Variants in SUCO observed in about 807,000 individuals in gnomAD.
SUCO encodes SUN domain-containing ossification factor.
Under a neutral mutation model 148.1 loss-of-function variants are expected in SUCO, and 57 were observed. The observed-to-expected ratio is 0.38, with a 90% CI of 0.31 to 0.48. The LOEUF (loss-of-function observed/expected upper bound fraction) is 0.48. SUCO is among the 20% of genes least tolerant of loss of function. The pLI is 0.96. For synonymous variants in SUCO, 470 were observed against 502.7 expected, an observed-to-expected ratio of 0.93 and a Z score of 0.87; for missense variants, 1,331 against 1,468.2, an observed-to-expected ratio of 0.91 and a Z score of 1.53.
chr1:172,535,180 G>C (rs1172067717), intron 1 of SUCO, among the ~76,000 whole-genome samples: 1 of 152,136 alleles, frequency 6.6e-6, no homozygotes, highest in South Asian at 2.1e-4. Flanking sequence ...CGGTTGGCCT[G>C]GTATTGAAAG....
chr1:172,562,519 A>G (rs1654248973), intron 6 of SUCO, among the ~76,000 whole-genome samples: 1 of 152,000 alleles, frequency 6.6e-6, no homozygotes, highest in Non-Finnish European at 1.5e-5. Context: ...TTTAGTAGAG[A>G]TGGGGTTTCA....
At position 172,588,795 on chromosome 1, in the gene SUCO, A is replaced by C. The variant is rs768287549; in HGVS notation, c.1694A>C (p.Glu565Ala). 2 of 1,566,562 alleles carry C rather than the reference A, an allele frequency of 1.3e-6. No individual in the cohort carries two copies. Among genetic ancestry groups the C allele is most frequent in the Non-Finnish European group, 1.7e-6 (2 of 1,158,824 alleles). The change falls in exon 18 of 24, where the codon GAG becomes GCG. Residue 565 changes from glutamate to alanine, a missense_variant. By Grantham distance (107) the Glu-to-Ala change is moderately radical (BLOSUM62 -1). Transcript: ENST00000263688. The stretch of plus-strand genomic sequence containing the variant: ...ACTGAAGTACACACACATGACATGG[A>C]GCCGTCAACACCAGATACTCCAAAA... ...VTTEVHTHDM[E>A]PSTPDTPKES...
chr1:172,597,835 C>T (rs1296479672), intron 19 of SUCO, among the ~76,000 whole-genome samples: 2 of 152,138 alleles, frequency 1.3e-5, no homozygotes, highest in African/African-American at 2.4e-5. Context: ...TTAGGTGCAT[C>T]TTACTTTCCT....
At chr1:172,551,842 T>A (rs1287612785) in intron 2 of SUCO, 6 of 458,644 alleles carry the variant, frequency 1.3e-5, no homozygotes, top group East Asian at 1.2e-4. Context: ...TTTTGTAACA[T>A]CCTTAGTCCT....
At chr1:172,601,553 A>G (rs1168229148) in intron 20 of SUCO, among the ~76,000 whole-genome samples, 2 of 151,908 alleles carry the variant, frequency 1.3e-5, no homozygotes, top group African/African-American at 4.8e-5. Flanking sequence ...ATTGACTTAG[A>G]GTAGGATTCT....
intron 9 of SUCO, among the ~76,000 whole-genome samples, chr1:172,572,621 T>A (rs1469235314): frequency 6.8e-6 from 1 of 147,770 alleles, no homozygotes; most frequent in African/African-American, 2.5e-5. Flanking sequence ...TTTGTTTATC[T>A]GCTGACCCTC....
At chr1:172,597,061 C>G (rs1657156919) in intron 19 of SUCO, among the ~76,000 whole-genome samples, 2 of 152,300 alleles carry the variant, frequency 1.3e-5, no homozygotes, top group Admixed American at 1.3e-4. Flanking sequence ...GTGAGCGAGG[C>G]TCCGTGGGCA....
chr1:172,589,890 C>A lies in SUCO; in HGVS notation c.2789C>A (p.Ser930Tyr). The change falls in exon 18 of 24, where the codon TCT becomes TAT. Residue 930 changes from serine to tyrosine, a missense_variant. This residue lies in a region of SUCO where 992 missense variants were observed against 1,093.5 expected (regional missense o/e 0.91). Coordinates refer to ENST00000263688, the MANE Select transcript of SUCO (RefSeq NM_014283.5). Reference protein sequence around the residue: ...NRIKALEVNMSLSGRYLEELS... With the variant: ...NRIKALEVNMYLSGRYLEELS... ...ATTAAAGCCTTAGAAGTTAACATGT[C>A]TCTCAGTGGTCGCTATCTGGAGGAG... The A allele has an allele frequency of 6.5e-7, 1 of 1,541,876 alleles. No homozygotes were observed. Among genetic ancestry groups the A allele is most frequent in the Non-Finnish European group, 8.7e-7 (1 of 1,154,978 alleles).
intron 19 of SUCO, among the ~76,000 whole-genome samples, chr1:172,591,821 T>C (rs949081781): frequency 2.0e-5 from 3 of 152,158 alleles, no homozygotes; most frequent in Admixed American, 6.5e-5. Context: ...GGTCAAATGG[T>C]ATTTCTAGTT....
chr1:172,570,850 C>G, intron 9 of SUCO, 120 bp downstream of exon 9: 1 of 660,346 alleles, frequency 1.5e-6, no homozygotes, highest in Non-Finnish European at 2.5e-6. Flanking sequence ...TTGATTAGTG[C>G]TGATACTATG....
intron 19 of SUCO, chr1:172,599,379 T>C: frequency 1.4e-6 from 1 of 695,378 alleles, no homozygotes; most frequent in Non-Finnish European, 1.8e-6. Flanking sequence ...TAATACAGGG[T>C]CATAACTATG....
At chr1:172,602,036 T>C (rs374173832) in intron 20 of SUCO, 28 bp from the exon 21 acceptor site, 2 of 1,563,224 alleles carry the variant, frequency 1.3e-6, no homozygotes, top group African/African-American at 2.8e-5. Context: ...TTTCCTATGA[T>C]TATTATTTAA....
At chr1:172,538,803 T>C (rs1274974720) in intron 1 of SUCO, among the ~76,000 whole-genome samples, 1 of 152,202 alleles carries the variant, frequency 6.6e-6, no homozygotes, top group African/African-American at 2.4e-5. Flanking sequence ...CTGGTATTTT[T>C]ATTTATAAGA....
chr1:172,577,405 TAC>T, intron 11 of SUCO, 132 bp from the exon 12 acceptor site: 1 of 830,240 alleles, frequency 1.2e-6, no homozygotes, highest in Non-Finnish European at 1.8e-6. Context: ...TTAAGAATAC[TAC>T]AGTGTTATCC....
intron 9 of SUCO, among the ~76,000 whole-genome samples, chr1:172,573,421 A>C (rs1655191822): frequency 6.6e-6 from 1 of 152,088 alleles, no homozygotes; most frequent in Non-Finnish European, 1.5e-5. Context: ...GCCCTTATAG[A>C]CTGTGTGTAC....
At chr1:172,544,274 CTT>C in intron 1 of SUCO, 1 of 314,468 alleles carries the variant, frequency 3.2e-6, no homozygotes, top group Non-Finnish European at 4.6e-6. Flanking sequence ...TCTCATTCTT[CTT>C]TTTAAAGCTC....
intron 6 of SUCO, chr1:172,568,483 C>A: frequency 1.1e-6 from 1 of 936,588 alleles, no homozygotes; most frequent in Non-Finnish European, 1.3e-6. Flanking sequence ...CATTCTGCAT[C>A]TTATTAACAT....
intron 1 of SUCO, chr1:172,543,049 A>T: frequency 1.0e-6 from 1 of 983,996 alleles, no homozygotes; most frequent in Non-Finnish European, 1.2e-6. Context: ...TAAAAAAAAA[A>T]AAGTTAACAT....
intron 1 of SUCO, among the ~76,000 whole-genome samples, chr1:172,543,257 C>T (rs1652623654): frequency 6.6e-6 from 1 of 152,178 alleles, no homozygotes; most frequent in Non-Finnish European, 1.5e-5. Context: ...TTATTTTCTG[C>T]TTTTCCTAAT....
Sources: gnomAD v4.1 joint callset for allele counts (sites outside exome capture counted in the v4.1 genomes callset) on GRCh38, gnomAD v4.1.1 for gene constraint, gnomAD v4.1.1 regional missense constraint, MANE v1.5 for transcripts, NCBI Gene and HGNC (gene_info 2026-07-23, HGNC 2026-07-21) for gene names.